The following LRRC4C variants were observed in gnomAD, a reference collection of about 807,000 sequenced individuals.
The protein encoded by LRRC4C is leucine-rich repeat-containing protein 4C.
A neutral mutation model predicts 33.6 loss-of-function variants in LRRC4C; 5 were observed. That is an observed-to-expected ratio of 0.15 (90% confidence interval 0.08 to 0.31). The LOEUF is 0.31. Ranked by LOEUF, LRRC4C falls within the 10% of genes least tolerant of loss-of-function variation. LRRC4C has a pLI of 1.00. For missense variants in LRRC4C, 560 were observed against 796.7 expected (o/e 0.70, Z 3.58); for synonymous variants, 329 against 302.0 (o/e 1.09, Z -0.93).
chr11:40,306,933 G>A (rs367632141), intron 4 of LRRC4C, among the ~76,000 whole-genome samples: 6 of 105,384 alleles, frequency 5.7e-5, no homozygotes, highest in African/African-American at 1.7e-4. Context: ...ACCTCACAAG[G>A]TTATCTGGTT....
At chr11:40,774,997 A>G (rs1411652801) in intron 2 of LRRC4C, among the ~76,000 whole-genome samples, 2 of 151,894 alleles carry the variant, frequency 1.3e-5, no homozygotes, top group Non-Finnish European at 2.9e-5. Flanking sequence ...ATAAAAACCT[A>G]TATTACCTAA....
At chr11:40,457,666 T>C (rs1952201105) in intron 3 of LRRC4C, among the ~76,000 whole-genome samples, 1 of 152,282 alleles carries the variant, frequency 6.6e-6, no homozygotes, top group East Asian at 1.9e-4. Context: ...CACCAAATAC[T>C]GTTATCTCCA....
chr11:41,378,200 A>G lies in LRRC4C; in HGVS notation c.-496+81231T>C, dbSNP rs549013385. 2.6e-5 allele frequency among the ~76,000 whole-genome samples: 4 copies of G among 152,328 alleles called. No homozygotes were observed. In the South Asian group the frequency reaches 8.3e-4, roughly 32 times the overall value. The stretch of plus-strand genomic sequence containing the variant: ...GTAGGGCAAGGGGCAAAAGGCCAGT[A>G]GGACTTTAATCAAAGAGAAACAGAT... On this transcript the variant is annotated intron_variant, in intron 1 of 6. Transcript: ENST00000528697.
chr11:40,598,862 G>A (rs960065287), intron 3 of LRRC4C, among the ~76,000 whole-genome samples: 1 of 152,078 alleles, frequency 6.6e-6, no homozygotes, highest in Non-Finnish European at 1.5e-5. Context: ...AGCTAAATAG[G>A]ATCACAGTGG....
At chr11:40,689,724 T>C (rs988265638) in intron 2 of LRRC4C, among the ~76,000 whole-genome samples, 1 of 152,124 alleles carries the variant, frequency 6.6e-6, no homozygotes, top group African/African-American at 2.4e-5. Flanking sequence ...TAGATATGAC[T>C]GCATAAACTT....
intron 4 of LRRC4C, among the ~76,000 whole-genome samples, chr11:40,252,298 A>AAT (rs1181639318): frequency 6.6e-6 from 1 of 151,710 alleles, no homozygotes; most frequent in Admixed American, 6.6e-5. Context: ...ATACCCACCT[A>AAT]ATATATACAC....
chr11:40,469,570 G>C (rs1454335571), intron 3 of LRRC4C, among the ~76,000 whole-genome samples: 2 of 152,130 alleles, frequency 1.3e-5, no homozygotes, highest in African/African-American at 4.8e-5. Context: ...AAGCCAGGGA[G>C]CCAAGTGGTC....
At chr11:40,738,670 A>G (rs924432086) in intron 2 of LRRC4C, among the ~76,000 whole-genome samples, 1 of 152,144 alleles carries the variant, frequency 6.6e-6, no homozygotes, top group Non-Finnish European at 1.5e-5. Context: ...TAAAATGAAG[A>G]TAAATTTATC....
chr11:41,435,300 G>T (rs1955387897), intron 1 of LRRC4C, among the ~76,000 whole-genome samples: 1 of 152,124 alleles, frequency 6.6e-6, no homozygotes, highest in Non-Finnish European at 1.5e-5. Flanking sequence ...ATTTTGTGGA[G>T]ATACAACTAC....
intron 1 of LRRC4C, among the ~76,000 whole-genome samples, chr11:41,218,417 A>G (rs1590966159): frequency 1.3e-5 from 2 of 152,182 alleles, no homozygotes; most frequent in East Asian, 1.9e-4. Context: ...TTAAAGACAG[A>G]AATAGGTAAT....
intron 2 of LRRC4C, among the ~76,000 whole-genome samples, chr11:40,814,642 A>G (rs1951633599): frequency 6.6e-6 from 1 of 150,772 alleles, no homozygotes; most frequent in Non-Finnish European, 1.5e-5. Context: ...TCATCTGCAA[A>G]TTTTTCAGAC....
intron 3 of LRRC4C, among the ~76,000 whole-genome samples, chr11:40,469,026 A>G (rs1314897154): frequency 6.6e-6 from 1 of 152,266 alleles, no homozygotes; most frequent in Non-Finnish European, 1.5e-5. Context: ...AGCCCCACAA[A>G]GCAGTGACAT....
At chr11:41,111,095 C>G (rs1941804895) in intron 1 of LRRC4C, among the ~76,000 whole-genome samples, 1 of 151,922 alleles carries the variant, frequency 6.6e-6, no homozygotes, top group African/African-American at 2.4e-5. Flanking sequence ...ATGTAAGCCA[C>G]TAATAGATGA....
intron 4 of LRRC4C, among the ~76,000 whole-genome samples, chr11:40,297,097 C>G (rs1944550488): frequency 6.6e-6 from 1 of 152,172 alleles, no homozygotes; most frequent in Non-Finnish European, 1.5e-5. Context: ...GGGACAGCAT[C>G]TTGTAATCAG....
intron 3 of LRRC4C, among the ~76,000 whole-genome samples, chr11:40,514,247 G>A (rs775272744): frequency 6.6e-6 from 1 of 152,056 alleles, no homozygotes; most frequent in Non-Finnish European, 1.5e-5. Context: ...GAGGTTAATA[G>A]TACATGTCCA....
chr11:40,608,497 A>G (rs923425545), intron 3 of LRRC4C, among the ~76,000 whole-genome samples: 12 of 152,122 alleles, frequency 7.9e-5, no homozygotes, highest in African/African-American at 2.7e-4. Flanking sequence ...TACAAAATAT[A>G]CAGAAAACAA....
At chr11:40,218,713 A>G (rs1864178713) in intron 5 of LRRC4C, among the ~76,000 whole-genome samples, 4 of 150,998 alleles carry the variant, frequency 2.6e-5, no homozygotes, top group Non-Finnish European at 5.9e-5. Context: ...CTATCTATCT[A>G]TCTATCTATC....
At chr11:40,588,300 T>C (rs1958860855) in intron 3 of LRRC4C, among the ~76,000 whole-genome samples, 1 of 152,028 alleles carries the variant, frequency 6.6e-6, no homozygotes, top group Non-Finnish European at 1.5e-5. Context: ...GTAGTTTGTA[T>C]TTCTGTGGGA....
intron 1 of LRRC4C, among the ~76,000 whole-genome samples, chr11:41,380,945 A>C (rs530350780): frequency 6.6e-6 from 1 of 152,298 alleles, no homozygotes; most frequent in South Asian, 2.1e-4. Context: ...AATAGTGGTT[A>C]GAAGTGAAGA....
Sources: allele counts gnomAD v4.1 joint callset (sites outside exome capture counted in the v4.1 genomes callset), GRCh38; gene constraint gnomAD v4.1.1; transcripts MANE v1.5; gene names NCBI Gene and HGNC (gene_info 2026-07-23, HGNC 2026-07-21).